Variants in UNC80 observed in about 807,000 individuals in gnomAD.
UNC80 encodes the protein protein unc-80 homolog.
UNC80 carries 164 observed loss-of-function variants against 384.6 expected under a neutral mutation model. The observed-to-expected ratio is 0.43, with a 90% CI of 0.38 to 0.49. The LOEUF (loss-of-function observed/expected upper bound fraction) is 0.49, where lower values mean the gene tolerates loss of function less well. UNC80 is among the 20% of genes least tolerant of loss of function. UNC80 has a pLI of 0.00. For missense variants in UNC80, 3,330 were observed against 4,143.0 expected (o/e 0.80, Z 5.39); for synonymous variants, 1,486 against 1,527.8 (o/e 0.97, Z 0.64).
chr2:209,898,519 G>A (rs2087034603), intron 28 of UNC80, among the ~76,000 whole-genome samples: 1 of 152,006 alleles, frequency 6.6e-6, no homozygotes, highest in Non-Finnish European at 1.5e-5. Context: ...GTGTATATTT[G>A]TGGGGTACAT....
chr2:209,852,915 T>C (rs571911576), intron 22 of UNC80, among the ~76,000 whole-genome samples: 53 of 152,212 alleles, frequency 3.5e-4, no homozygotes, highest in African/African-American at 1.2e-3. Context: ...TATTTAGATA[T>C]ATGTATATAA....
In UNC80 at chr2:209,976,939, T is replaced by C. The variant is rs1453323328; in HGVS notation, c.8799T>C (p.His2933=). 6.6e-7 allele frequency: 1 copy of C among 1,526,326 alleles called. No individual in the cohort carries two copies. Among genetic ancestry groups the C allele is most frequent in the Non-Finnish European group, 8.9e-7 (1 of 1,125,964 alleles). 94.5% of individuals were successfully genotyped at this position (1,526,326 alleles called of 1,614,324 possible). Residue 2933 remains histidine, a synonymous_variant, in exon 58 of 65, where the codon CAT becomes CAC. Transcript: ENST00000673920. This position sits in a 1 kb window ranked among gnomAD's most constrained non-coding sequence, Gnocchi z 4.3. The stretch of plus-strand genomic sequence containing the variant: ...TGCTGGCCCAACCAGCAGAGAATCA[T>C]GAAGAGCTTTCCGCCCGGCAACATA... The part of the protein sequence containing the change: ...CKLLAQPAEN[H]EELSARQHIA...
chr2:209,878,201 C>T (rs1470928358), intron 24 of UNC80, 112 bp downstream of exon 24: 2 of 1,120,402 alleles, frequency 1.8e-6, no homozygotes, highest in East Asian at 6.0e-5. Context: ...CCATGTCTTT[C>T]CACTGCTCCT....
intron 4 of UNC80, among the ~76,000 whole-genome samples, chr2:209,781,406 T>C (rs2077149669): frequency 6.6e-6 from 1 of 152,212 alleles, no homozygotes; most frequent in African/African-American, 2.4e-5. Flanking sequence ...GTTTTTTAGG[T>C]TTCTGTACCA....
At chr2:209,964,895 T>G (rs1490903203) in intron 51 of UNC80, among the ~76,000 whole-genome samples, 1 of 151,526 alleles carries the variant, frequency 6.6e-6, no homozygotes, top group Non-Finnish European at 1.5e-5. Context: ...TTTCCTAATT[T>G]GTTAAAAAAA....
chr2:209,905,771 A>G (rs1480798824), intron 29 of UNC80, among the ~76,000 whole-genome samples: 1 of 152,188 alleles, frequency 6.6e-6, no homozygotes. Flanking sequence ...GCTTCAAGCA[A>G]CTATTACATT....
chr2:209,969,994 C>A, intron 53 of UNC80, 103 bp downstream of exon 53: 1 of 1,431,030 alleles, frequency 7.0e-7, no homozygotes, highest in Non-Finnish European at 9.4e-7. Context: ...GTGCCCCTAT[C>A]TGCCCATGAA....
At chr2:209,900,894 G>A (rs942554163) in intron 28 of UNC80, among the ~76,000 whole-genome samples, 2 of 152,188 alleles carry the variant, frequency 1.3e-5, no homozygotes, top group East Asian at 3.8e-4. Flanking sequence ...TAAACCCAAA[G>A]CCCAATTCAG....
chr2:209,861,261 A>T (rs1277986988), intron 22 of UNC80, among the ~76,000 whole-genome samples: 1 of 152,138 alleles, frequency 6.6e-6, no homozygotes. Flanking sequence ...ACATAAAGGG[A>T]TGATGAATTT....
intron 48 of UNC80, among the ~76,000 whole-genome samples, chr2:209,957,065 G>A (rs1187944478): frequency 2.6e-5 from 4 of 152,122 alleles, no homozygotes; most frequent in Admixed American, 1.3e-4. Flanking sequence ...AGTAAATCTG[G>A]CAGATATAAA....
At chr2:209,988,984 GA>G (rs1029677877) in intron 61 of UNC80, among the ~76,000 whole-genome samples, 1 of 151,958 alleles carries the variant, frequency 6.6e-6, no homozygotes, top group Non-Finnish European at 1.5e-5. Flanking sequence ...CAAAACTATG[GA>G]AATCAGTCAT....
intron 35 of UNC80, among the ~76,000 whole-genome samples, chr2:209,923,690 T>G (rs976772721): frequency 6.6e-6 from 1 of 152,162 alleles, no homozygotes; most frequent in African/African-American, 2.4e-5. Flanking sequence ...TGGTAAAAAT[T>G]TTTCACTTAC....
rs1249086082 is a variant in UNC80 at position 209,813,624 on chromosome 2, C to A, written c.983C>A (p.Thr328Asn). ...CCGTGCCAAAGGTCCCGCTATGCCA[C>A]CTACTTTGACGTTGCTGTTCTGCGC... ...IPPCQRSRYATYFDVAVLRCL... is the reference protein window; with the variant it reads ...IPPCQRSRYANYFDVAVLRCL... The change falls in exon 8 of 65, where the codon ACC (threonine) becomes AAC (asparagine). Residue 328 changes from threonine to asparagine, a missense_variant. Physicochemically the swap from Thr to Asn is moderately conservative, Grantham distance 65. Around this residue, in one of 8 missense-constraint regions of UNC80, gnomAD observed 937 missense variants for 1,026.8 expected, o/e 0.91. Coordinates refer to ENST00000673920, the MANE Select transcript of UNC80 (RefSeq NM_001371986.1). The A allele has an allele frequency of 2.6e-6, 4 of 1,551,850 alleles. No individual in the cohort carries two copies. The highest frequency in any genetic ancestry group is 3.5e-6 in the Non-Finnish European group (4 of 1,147,034).
At position 209,885,362 on chromosome 2, in the gene UNC80, C is replaced by T. The variant is rs571894030; in HGVS notation, c.4111-2733C>T. Among the ~76,000 whole-genome samples, 38 of 152,262 alleles carry T rather than the reference C, an allele frequency of 2.5e-4. 1 individual carries two copies. Among genetic ancestry groups the T allele is most frequent in the South Asian group, 1.0e-3 (5 of 4,824 alleles). ...ACGGCTAGCCAAAGAAGGGGCTGAA[C>T]AGCTCTGATGAACCTTCTTGGAAGA... On this transcript the variant is annotated intron_variant, in intron 25 of 64. Transcript: ENST00000673920.
rs1451027451 is a variant in UNC80, at chr2:209,820,584, G to A, written c.2236G>A (p.Gly746Arg). The A allele has an allele frequency of 2.6e-6, 4 of 1,551,580 alleles. No individual in the cohort carries two copies. The highest frequency in any genetic ancestry group is 1.2e-5 in the South Asian group (1 of 84,050). The change falls in exon 13 of 65, where the codon GGA becomes AGA. Residue 746 changes from glycine to arginine, a missense_variant. Coordinates refer to ENST00000673920, the MANE Select transcript of UNC80 (RefSeq NM_001371986.1). ...TGGAGATGGTGGAGGAGAAGAAGGAGGAGGTGGAGATGGAGGAGGTGGAGG... is the reference window on the plus strand; with the variant it reads ...TGGAGATGGTGGAGGAGAAGAAGGAAGAGGTGGAGATGGAGGAGGTGGAGG... ...GAGDGGGEEG[G>R]GGDGGGGGGD...
In UNC80 at chr2:209,917,819, T is replaced by C; in HGVS notation, c.5072T>C (p.Val1691Ala). The change falls in exon 32 of 65, where the codon GTG becomes GCG. Residue 1691 changes from valine to alanine, a missense_variant. Physicochemically the swap from Val to Ala is moderately conservative, Grantham distance 64. Transcript: ENST00000673920. ...TGTGCAGTGAAGGTGCCTGAGGCCGTGTCCGACATGCTGATGTCAGAGTTC... is the reference window on the plus strand; with the variant it reads ...TGTGCAGTGAAGGTGCCTGAGGCCGCGTCCGACATGCTGATGTCAGAGTTC... Reference protein sequence around the residue: ...LLCAVKVPEAVSDMLMSEFHH... With the variant: ...LLCAVKVPEAASDMLMSEFHH... 6.4e-7 allele frequency: 1 copy of C among 1,552,144 alleles called. No individual in the cohort carries two copies. Among genetic ancestry groups the C allele is most frequent in the Non-Finnish European group, 8.7e-7 (1 of 1,147,076 alleles).
intron 21 of UNC80, among the ~76,000 whole-genome samples, chr2:209,845,482 C>T (rs942412705): frequency 6.6e-6 from 1 of 152,150 alleles, no homozygotes; most frequent in Admixed American, 6.5e-5. Context: ...GTTTTTATTA[C>T]CACGATTCCT....
chr2:209,817,801 A>G lies in UNC80; in HGVS notation c.1553-11A>G. ...TAAAACCCTCTTGTGGGGTGCTCTT[A>G]TTCATCCCAGGGAAATTGACCCGGC... On this transcript the variant is annotated splice_polypyrimidine_tract_variant and intron_variant, in intron 10 of 64. Coordinates refer to ENST00000673920, the MANE Select transcript of UNC80 (RefSeq NM_001371986.1). 14 of 1,551,474 alleles carry G rather than the reference A, an allele frequency of 9.0e-6. No homozygotes were observed. The highest frequency in any genetic ancestry group is 1.2e-5 in the Non-Finnish European group (14 of 1,146,906).
chr2:209,971,535 T>C (rs965123501), intron 54 of UNC80, among the ~76,000 whole-genome samples: 5 of 149,076 alleles, frequency 3.4e-5, no homozygotes, highest in African/African-American at 1.2e-4. Flanking sequence ...TTTTAGAGAA[T>C]GGTAAATCAC....
Sources: allele counts gnomAD v4.1 joint callset (sites outside exome capture counted in the v4.1 genomes callset), GRCh38; gene constraint gnomAD v4.1.1; regional missense constraint gnomAD v4.1.1; non-coding constraint Gnocchi (gnomAD v3.1); transcripts MANE v1.5; gene names NCBI Gene and HGNC (gene_info 2026-07-23, HGNC 2026-07-21).